Variants in RFX7 observed in about 807,000 individuals in gnomAD.
RFX7 encodes DNA-binding protein RFX7.
RFX7 carries 26 observed loss-of-function variants against 111.8 expected under a neutral mutation model. That is an observed-to-expected ratio of 0.23 (90% CI 0.17 to 0.32). The LOEUF (loss-of-function observed/expected upper bound fraction) is 0.32. Among genes scored for constraint, RFX7 ranks in the 10% least tolerant of loss-of-function variants. The probability of loss-of-function intolerance (pLI) is 1.00; values close to 1 mark genes in which losing one functional copy is unlikely to be tolerated. For synonymous variants in RFX7, 624 were observed against 624.4 expected (o/e 1.00, Z 0.01); for missense variants, 1,573 against 1,772.9 (o/e 0.89, Z 2.02).
In RFX7 at chr15:56,103,812, C is replaced by T. The variant is rs560632494; in HGVS notation, c.402-142G>A. ...TTTGCCACAATGTCTATGATCATCA[C>T]TCTTTGGTGATGCATGTTAACTCAG... On this transcript the variant is annotated intron_variant, in intron 5 of 9. Transcript: ENST00000559447. 4.4e-4 allele frequency: 263 copies of T among 600,230 alleles called. 1 individual carries two copies. The African/African-American group carries it at 4.5e-3, about 10-fold the overall frequency. The allele number at this position is 600,230 out of a possible 1,614,324, so 37.2% of individuals were successfully genotyped here. A position where few individuals can be genotyped will look rare whatever the true frequency, so the allele number is the denominator to read the frequency against.
At chr15:56,215,531 G>C (rs1279682721) in intron 2 of RFX7, among the ~76,000 whole-genome samples, 1 of 152,280 alleles carries the variant, frequency 6.6e-6, no homozygotes, top group Admixed American at 6.5e-5. Context: ...TTGCCCTCCT[G>C]TAACAGACTC....
intron 5 of RFX7, among the ~76,000 whole-genome samples, chr15:56,106,010 T>C (rs1262445498): frequency 6.6e-6 from 1 of 152,190 alleles, no homozygotes; most frequent in Admixed American, 6.5e-5. Context: ...GGTTAGTTTA[T>C]GGTTACTTGG....
intron 5 of RFX7, among the ~76,000 whole-genome samples, chr15:56,125,135 A>G (rs1221304193): frequency 2.0e-5 from 3 of 152,144 alleles, no homozygotes; most frequent in East Asian, 1.9e-4. Flanking sequence ...GAGTGTTCTT[A>G]GCGTCTTTGT....
chr15:56,119,694 G>A (rs942095801), intron 5 of RFX7, among the ~76,000 whole-genome samples: 8 of 151,094 alleles, frequency 5.3e-5, no homozygotes, highest in African/African-American at 1.5e-4. Flanking sequence ...GGAGAATCGC[G>A]TGAACCTGGG....
chr15:56,094,886 G>A lies in RFX7; in HGVS notation c.2842C>T (p.Pro948Ser). The A allele has an allele frequency of 1.3e-6, 2 of 1,562,234 alleles. No individual in the cohort carries two copies. Among genetic ancestry groups the A allele is most frequent in the Non-Finnish European group, 8.7e-7 (1 of 1,153,702 alleles). Residue 948 changes from proline to serine, a missense_variant, in exon 10 of 10, where the codon CCC (proline) becomes TCC (serine). By Grantham distance (74) the Pro-to-Ser change is moderately conservative. This residue lies in a region of RFX7 where 625 missense variants were observed against 632.2 expected (regional missense o/e 0.99). Transcript: ENST00000559447. ...IHSNGTPIHTPTPTPTPTPTP... is the reference protein window; with the variant it reads ...IHSNGTPIHTSTPTPTPTPTP... ...GGAGTGGGTGTGGGTGTGGGTGTGGGTGTGTGGATTGGAGTGCCATTGCTG... is the reference window on the plus strand; with the variant it reads ...GGAGTGGGTGTGGGTGTGGGTGTGGATGTGTGGATTGGAGTGCCATTGCTG...
intron 2 of RFX7, among the ~76,000 whole-genome samples, chr15:56,239,989 T>TC (rs1362149555): frequency 4.5e-5 from 5 of 112,020 alleles, no homozygotes; most frequent in Non-Finnish European, 9.7e-5. Flanking sequence ...TATTTCTTTT[T>TC]TTTTTTTTTT....
chr15:56,175,125 G>A (rs2042889776), intron 3 of RFX7, among the ~76,000 whole-genome samples: 1 of 151,978 alleles, frequency 6.6e-6, no homozygotes, highest in South Asian at 2.1e-4. Context: ...AAGTTTGCAG[G>A]TTACAAGATC....
intron 2 of RFX7, among the ~76,000 whole-genome samples, chr15:56,233,595 C>G (rs913276446): frequency 3.9e-5 from 6 of 151,990 alleles, no homozygotes; most frequent in Non-Finnish European, 8.8e-5. Flanking sequence ...TGCTGCCAGA[C>G]TGATGGAAAG....
chr15:56,162,500 A>AT (rs1291145922), intron 3 of RFX7, among the ~76,000 whole-genome samples: 1 of 152,060 alleles, frequency 6.6e-6, no homozygotes, highest in Non-Finnish European at 1.5e-5. Context: ...TTCCCATCAT[A>AT]TTTTTGAGAC....
chr15:56,120,242 T>A (rs546748256), intron 5 of RFX7, among the ~76,000 whole-genome samples: 101 of 152,350 alleles, frequency 6.6e-4, no homozygotes, highest in African/African-American at 2.3e-3. Context: ...CTTAGGTATT[T>A]AATTTTATTT....
At position 56,224,334 on chromosome 15, in the gene RFX7, CAGAA is replaced by C. The variant is rs775683230; in HGVS notation, c.161+18787_161+18790del. ...TATTTTTAATGTAAACTGTTCATCT[CAGAA>C]AGGCTAAAAAACACATTAAAAAGAA... On this transcript the variant is annotated intron_variant, in intron 2 of 9. Transcript: ENST00000559447. Among the ~76,000 whole-genome samples the C allele has an allele frequency of 4.6e-5, 7 of 151,986 alleles. No individual in the cohort carries two copies. In the East Asian group the frequency reaches 5.8e-4, roughly 13 times the overall value.
chr15:56,111,952 T>C (rs2041940014), intron 5 of RFX7, among the ~76,000 whole-genome samples: 1 of 151,826 alleles, frequency 6.6e-6, no homozygotes. Context: ...CTGTCTCTAC[T>C]AAAAATACAA....
At chr15:56,151,358 C>A (rs1462312936) in intron 3 of RFX7, among the ~76,000 whole-genome samples, 3 of 152,234 alleles carry the variant, frequency 2.0e-5, no homozygotes, top group Non-Finnish European at 4.4e-5. Context: ...AACAGCAGCT[C>A]TCTCGGCAGA....
intron 2 of RFX7, among the ~76,000 whole-genome samples, chr15:56,203,224 G>C (rs1272497887): frequency 1.3e-5 from 2 of 152,198 alleles, no homozygotes; most frequent in African/African-American, 4.8e-5. Flanking sequence ...GGAACAGATA[G>C]AAAACTGCAA....
chr15:56,242,194 T>C (rs2043699838), intron 2 of RFX7, among the ~76,000 whole-genome samples: 2 of 152,210 alleles, frequency 1.3e-5, no homozygotes, highest in Admixed American at 1.3e-4. Flanking sequence ...TTAAAAGCAA[T>C]CTTAGACCAA....
At chr15:56,132,429 A>AGG (rs1567020452) in intron 5 of RFX7, among the ~76,000 whole-genome samples, 4 of 152,106 alleles carry the variant, frequency 2.6e-5, no homozygotes, top group African/African-American at 9.6e-5. Flanking sequence ...GTAACAGTAC[A>AGG]TTATAGATTA....
chr15:56,121,118 C>A (rs1326809604), intron 5 of RFX7, among the ~76,000 whole-genome samples: 2 of 152,204 alleles, frequency 1.3e-5, no homozygotes, highest in African/African-American at 4.8e-5. Flanking sequence ...TACTGCTCAA[C>A]AGCCTTTTCT....
chr15:56,226,728 C>G (rs1363987567), intron 2 of RFX7, among the ~76,000 whole-genome samples: 1 of 152,116 alleles, frequency 6.6e-6, no homozygotes, highest in Non-Finnish European at 1.5e-5. Context: ...AAAAGTGGGA[C>G]CCTGATGTAA....
chr15:56,135,602 A>G (rs1330095929), intron 5 of RFX7, among the ~76,000 whole-genome samples: 2 of 151,944 alleles, frequency 1.3e-5, no homozygotes, highest in African/African-American at 2.4e-5. Context: ...TTTGCTGTGC[A>G]GAAGCTCTTT....
Sources: allele counts gnomAD v4.1 joint callset (sites outside exome capture counted in the v4.1 genomes callset), GRCh38; gene constraint gnomAD v4.1.1; regional missense constraint gnomAD v4.1.1; transcripts MANE v1.5; gene names NCBI Gene and HGNC (gene_info 2026-07-23, HGNC 2026-07-21).